Variants in SMYD3 observed in about 807,000 individuals in gnomAD.
The protein encoded by SMYD3 is histone-lysine N-methyltransferase SMYD3.
SMYD3 carries 36 observed loss-of-function variants against 57.7 expected under a neutral mutation model. The observed-to-expected ratio is 0.62, with a 90% CI of 0.48 to 0.82. The LOEUF is 0.82. Ranked by LOEUF, SMYD3 falls within the 40% of genes least tolerant of loss-of-function variation. The pLI, the probability that SMYD3 is intolerant of heterozygous loss-of-function variation, is 0.00. For synonymous variants in SMYD3, 211 were observed against 195.0 expected (o/e 1.08, Z -0.68); for missense variants, 515 against 538.8 (o/e 0.96, Z 0.44).
chr1:246,239,189 C>T (rs2063560781), intron 5 of SMYD3, among the ~76,000 whole-genome samples: 1 of 152,124 alleles, frequency 6.6e-6, no homozygotes, highest in Admixed American at 6.5e-5. Context: ...TGTTGGTGTG[C>T]TGCACCCATT....
At chr1:246,212,132 A>G (rs10924553) in intron 5 of SMYD3, among the ~76,000 whole-genome samples, 42,531 of 151,924 alleles carry the variant, frequency 0.28, 6,805 homozygotes, top group East Asian at 0.58. Flanking sequence ...GAAAAGACAC[A>G]GGGCTGGTAA....
intron 10 of SMYD3, among the ~76,000 whole-genome samples, chr1:245,810,856 G>A (rs1037800157): frequency 3.9e-5 from 6 of 152,320 alleles, no homozygotes; most frequent in East Asian, 1.9e-4. Flanking sequence ...CCACGTGGCC[G>A]AGCAGACGGA....
At chr1:246,124,938 G>A (rs146695233) in intron 5 of SMYD3, among the ~76,000 whole-genome samples, 12,261 of 152,136 alleles carry the variant, frequency 0.081, 997 homozygotes, top group African/African-American at 0.19. Context: ...CGGGCGTGGT[G>A]GCGGGCGCCT....
At chr1:246,151,317 C>A (rs1011045307) in intron 5 of SMYD3, among the ~76,000 whole-genome samples, 1 of 151,302 alleles carries the variant, frequency 6.6e-6, no homozygotes, top group Non-Finnish European at 1.5e-5. Flanking sequence ...ATCATTTTGT[C>A]CTTCTACAAG....
intron 8 of SMYD3, among the ~76,000 whole-genome samples, chr1:245,899,974 A>C (rs947856806): frequency 2.6e-5 from 4 of 152,128 alleles, no homozygotes; most frequent in Non-Finnish European, 5.9e-5. Context: ...CTTGTCCTGA[A>C]ACTATACCAT....
chr1:245,779,909 T>C (rs2817481), intron 10 of SMYD3, among the ~76,000 whole-genome samples: 7,540 of 152,220 alleles, frequency 0.05, 622 homozygotes, highest in African/African-American at 0.17. Context: ...AAATGGCTCA[T>C]AAACACCTGA....
chr1:246,018,680 A>G (rs2059418381), intron 5 of SMYD3, among the ~76,000 whole-genome samples: 1 of 150,302 alleles, frequency 6.7e-6, no homozygotes, highest in South Asian at 2.1e-4. Context: ...ATCACAGCTC[A>G]CTGCAGCTTC....
intron 5 of SMYD3, among the ~76,000 whole-genome samples, chr1:245,932,240 G>A (rs529194201): frequency 6.6e-6 from 1 of 152,042 alleles, no homozygotes; most frequent in Admixed American, 6.5e-5. Flanking sequence ...GCAAATTAAC[G>A]GTTTTTTCAA....
At position 246,425,240 on chromosome 1, in the gene SMYD3, C is replaced by T. The variant is rs776947404; in HGVS notation, c.165-70146G>A. On this transcript the variant is annotated intron_variant, in intron 1 of 11. Coordinates refer to ENST00000490107, the MANE Select transcript of SMYD3 (RefSeq NM_001167740.2). ...GGAACCCCAAAACTTTTTCAACACA[C>T]ACCAGAAACCGCAAAGTTACCCCCA... Among the ~76,000 whole-genome samples, 5 of 152,108 alleles carry T rather than the reference C, an allele frequency of 3.3e-5. 1 individual carries two copies. The highest frequency in any genetic ancestry group is 5.9e-5 in the Non-Finnish European group (4 of 68,018).
intron 5 of SMYD3, among the ~76,000 whole-genome samples, chr1:246,188,488 T>C (rs1403022215): frequency 6.6e-6 from 1 of 152,192 alleles, no homozygotes; most frequent in Non-Finnish European, 1.5e-5. Context: ...GGCATTAAAT[T>C]CAAAATGTTG....
rs370447023 is a variant in SMYD3 at position 246,480,966 on chromosome 1, T to G, written c.164+26088A>C. ...GGCGTGTGCCACCACACCCAGCTAA[T>G]TTTTTGTATTTTTAGTAGAGACAGG... is the stretch of plus-strand genomic sequence containing the variant. On this transcript the variant is annotated intron_variant, in intron 1 of 11. Coordinates refer to ENST00000490107, the MANE Select transcript of SMYD3 (RefSeq NM_001167740.2). Among the ~76,000 whole-genome samples, 46 of 152,038 alleles carry G rather than the reference T, an allele frequency of 3.0e-4. No homozygotes were observed. The East Asian group carries it at 7.0e-3, about 23-fold the overall frequency.
chr1:246,335,309 C>A (rs2065524576), intron 3 of SMYD3, 58 bp downstream of exon 3: 4 of 1,423,310 alleles, frequency 2.8e-6, no homozygotes, highest in Non-Finnish European at 3.0e-6. Context: ...CCGGAAAATG[C>A]AATTGCATAT....
intron 5 of SMYD3, among the ~76,000 whole-genome samples, chr1:245,981,438 C>T (rs2058594416): frequency 6.6e-6 from 1 of 152,180 alleles, no homozygotes; most frequent in South Asian, 2.1e-4. Context: ...ACAGATTAAA[C>T]CTGACTAAGA....
chr1:246,143,226 G>A (rs1421653354), intron 5 of SMYD3, among the ~76,000 whole-genome samples: 3 of 152,006 alleles, frequency 2.0e-5, no homozygotes, highest in Non-Finnish European at 4.4e-5. Flanking sequence ...TTAAAGGATA[G>A]GGACTCTTAG....
chr1:246,259,806 A>G (rs552867776), intron 5 of SMYD3, among the ~76,000 whole-genome samples: 26 of 152,232 alleles, frequency 1.7e-4, no homozygotes, highest in African/African-American at 4.1e-4. Flanking sequence ...AGAGAATCCA[A>G]TGGGTGGCTA....
chr1:246,474,480 C>T (rs1441099645), intron 1 of SMYD3, among the ~76,000 whole-genome samples: 1 of 145,822 alleles, frequency 6.9e-6, no homozygotes, highest in African/African-American at 2.6e-5. Flanking sequence ...GATTGAGCCA[C>T]TGCACTCCAA....
rs535735422 is a variant in SMYD3 at position 246,184,809 on chromosome 1, G to A, written c.531+142392C>T. ...GAAGAGAGACCTCACCAGAAACCTA[G>A]TGGGCCAGAACCTTGTCTTAGGCTT... is the stretch of plus-strand genomic sequence containing the variant. On this transcript the variant is annotated intron_variant, in intron 5 of 11. Transcript: ENST00000490107. 7.2e-5 allele frequency among the ~76,000 whole-genome samples: 11 copies of A among 152,230 alleles called. No homozygotes were observed. In the East Asian group the frequency reaches 7.7e-4, roughly 11 times the overall value.
chr1:246,188,972 A>AT (rs2062691083), intron 5 of SMYD3: 2 of 152,158 alleles, frequency 1.3e-5, no homozygotes, highest in African/African-American at 2.4e-5. Flanking sequence ...AAAAAAAAAA[A>AT]AAGGTCTGTA....
chr1:245,775,451 T>A (rs2046541791), intron 10 of SMYD3, among the ~76,000 whole-genome samples: 1 of 151,434 alleles, frequency 6.6e-6, no homozygotes, highest in Admixed American at 6.6e-5. Flanking sequence ...CTGTGTCAAC[T>A]CAGGGTTAAA....
Sources: allele counts gnomAD v4.1 joint callset (sites outside exome capture counted in the v4.1 genomes callset), GRCh38; gene constraint gnomAD v4.1.1; transcripts MANE v1.5; gene names NCBI Gene and HGNC (gene_info 2026-07-23, HGNC 2026-07-21).